HOOK3: variants seen among roughly 807,000 people sequenced by gnomAD.
HOOK3 encodes the protein hook microtubule tethering protein 3, also known as protein Hook homolog 3.
In HOOK3, 24 loss-of-function variants were observed where a neutral mutation model predicts 116.3. The observed-to-expected ratio is 0.21, with a 90% CI of 0.15 to 0.29. HOOK3 has a LOEUF of 0.29. Ranked by LOEUF, HOOK3 falls within the 10% of genes least tolerant of loss-of-function variation. The pLI is 1.00. For missense variants in HOOK3, 632 were observed against 830.2 expected, an observed-to-expected ratio of 0.76 and a Z score of 2.93; for synonymous variants, 275 against 283.0, an observed-to-expected ratio of 0.97 and a Z score of 0.28.
intron 19 of HOOK3, among the ~76,000 whole-genome samples, chr8:43,011,319 T>C (rs925334544): frequency 7.9e-5 from 12 of 152,262 alleles, no homozygotes; most frequent in African/African-American, 2.6e-4. Flanking sequence ...TTACAGATGA[T>C]AATGCTTTGT....
At chr8:42,966,407 A>G in intron 9 of HOOK3, 66 bp from the exon 10 acceptor site, 1 of 1,501,400 alleles carries the variant, frequency 6.7e-7, no homozygotes, top group Non-Finnish European at 9.1e-7. Context: ...TCTTTCTTTT[A>G]CTGTTCTAAG....
chr8:42,900,818 T>C (rs1419791713), intron 1 of HOOK3, among the ~76,000 whole-genome samples: 1 of 152,248 alleles, frequency 6.6e-6, no homozygotes, highest in East Asian at 1.9e-4. Context: ...CACCAGAGAT[T>C]CTCATGCTTT....
intron 1 of HOOK3, among the ~76,000 whole-genome samples, chr8:42,904,857 C>T (rs780314634): frequency 3.9e-5 from 6 of 152,196 alleles, no homozygotes; most frequent in Admixed American, 2.0e-4. Context: ...TCTCACTTCT[C>T]ATCTTTATGC....
intron 17 of HOOK3, among the ~76,000 whole-genome samples, chr8:43,007,388 C>T (rs1809513775): frequency 1.3e-5 from 2 of 152,144 alleles, no homozygotes; most frequent in Admixed American, 6.5e-5. Flanking sequence ...CATCAGTGTA[C>T]GTAACAGAAT....
At chr8:42,957,039 T>C (rs1808449709) in intron 6 of HOOK3, 55 bp from the exon 7 acceptor site, 2 of 952,880 alleles carry the variant, frequency 2.1e-6, no homozygotes, top group East Asian at 5.0e-5. Flanking sequence ...TTAAGTATTT[T>C]ATGTAGAATG....
chr8:42,917,081 G>C (rs970398063), intron 2 of HOOK3, among the ~76,000 whole-genome samples: 1 of 152,206 alleles, frequency 6.6e-6, no homozygotes, highest in African/African-American at 2.4e-5. Flanking sequence ...GCTCCCTTAA[G>C]TTGGATAATT....
chr8:42,973,217 C>T, intron 11 of HOOK3, 72 bp from the exon 12 acceptor site: 1 of 1,501,452 alleles, frequency 6.7e-7, no homozygotes, highest in Non-Finnish European at 8.9e-7. Context: ...TTTTCTTAAA[C>T]CTGTAGAAGA....
chr8:42,901,113 A>G (rs73635337), intron 1 of HOOK3, among the ~76,000 whole-genome samples: 15 of 152,328 alleles, frequency 9.8e-5, no homozygotes, highest in Non-Finnish European at 1.9e-4. Flanking sequence ...CCCAACTCAC[A>G]GCCAAAAATG....
In HOOK3 at chr8:43,019,039, C is replaced by G. The variant is rs1342296227; in HGVS notation, c.*541C>G. 4.8e-6 allele frequency: 1 copy of G among 208,122 alleles called. No homozygotes were observed. The highest frequency in any genetic ancestry group is 7.4e-5 in the East Asian group (1 of 13,442). 12.9% of individuals were successfully genotyped at this position (208,122 alleles called of 1,614,324 possible). On this transcript the variant is annotated 3_prime_UTR_variant, in exon 22 of 22. Coordinates refer to ENST00000307602, the MANE Select transcript of HOOK3 (RefSeq NM_032410.4). ...AGACTTGAATACATTGGCAGAGGTGCTAATCACATCTTCCCTAAGGCACCT... is the reference window on the plus strand; with the variant it reads ...AGACTTGAATACATTGGCAGAGGTGGTAATCACATCTTCCCTAAGGCACCT...
intron 2 of HOOK3, among the ~76,000 whole-genome samples, chr8:42,916,000 A>G (rs1807525814): frequency 6.6e-6 from 1 of 152,198 alleles, no homozygotes; most frequent in East Asian, 1.9e-4. Context: ...TCATTCACCC[A>G]GCATTCTTTC....
rs544009433 is a variant in HOOK3 at position 42,949,702 on chromosome 8, G to A, written c.401-686G>A. On this transcript the variant is annotated intron_variant, in intron 5 of 21. Transcript: ENST00000307602. ...TGGGAGGCCGAGGCAGGCGGATCACGAGGTCAAGAGATTGAGACCATCCTG... is the reference window on the plus strand; with the variant it reads ...TGGGAGGCCGAGGCAGGCGGATCACAAGGTCAAGAGATTGAGACCATCCTG... Among the ~76,000 whole-genome samples the A allele has an allele frequency of 9.9e-5, 15 of 152,222 alleles. No homozygotes were observed. The East Asian group carries it at 2.7e-3, about 27-fold the overall frequency.
At chr8:42,947,679 T>G (rs534398427) in intron 5 of HOOK3, among the ~76,000 whole-genome samples, 1 of 152,266 alleles carries the variant, frequency 6.6e-6, no homozygotes, top group Non-Finnish European at 1.5e-5. Context: ...AGTGTCTGAG[T>G]GGTTAAATAT....
intron 1 of HOOK3, among the ~76,000 whole-genome samples, chr8:42,899,608 A>T (rs1807141767): frequency 6.6e-6 from 1 of 152,200 alleles, no homozygotes; most frequent in South Asian, 2.1e-4. Context: ...ACAATTCTAA[A>T]ACCAAATGCA....
intron 2 of HOOK3, among the ~76,000 whole-genome samples, chr8:42,907,904 G>A (rs188918341): frequency 1.8e-4 from 27 of 149,408 alleles, no homozygotes; most frequent in African/African-American, 6.4e-4. Flanking sequence ...ACAATGTGAC[G>A]TTACATACAA....
At chr8:42,988,595 G>A (rs1305907723) in intron 15 of HOOK3, among the ~76,000 whole-genome samples, 1 of 151,866 alleles carries the variant, frequency 6.6e-6, no homozygotes, top group African/African-American at 2.4e-5. Context: ...CACTGACGAT[G>A]AATAACTTAG....
chr8:42,906,067 A>AC, intron 1 of HOOK3, 106 bp from the exon 2 acceptor site: 1 of 787,064 alleles, frequency 1.3e-6, no homozygotes, highest in Admixed American at 2.3e-5. Flanking sequence ...AGCCTGGGTG[A>AC]CAGGGCTAGA....
At chr8:42,962,597 G>A (rs182144734) in intron 8 of HOOK3, among the ~76,000 whole-genome samples, 34 of 151,370 alleles carry the variant, frequency 2.2e-4, no homozygotes, top group Admixed American at 1.9e-3. Flanking sequence ...GTGGAGACAG[G>A]GTCTCACTGT....
chr8:42,985,548 A>G (rs926119714), intron 14 of HOOK3, among the ~76,000 whole-genome samples: 3 of 152,132 alleles, frequency 2.0e-5, no homozygotes, highest in Admixed American at 6.5e-5. Context: ...TGCTATAGTT[A>G]TGGAGGGTTT....
chr8:42,921,893 C>T (rs893123047), intron 2 of HOOK3, among the ~76,000 whole-genome samples: 2 of 152,148 alleles, frequency 1.3e-5, no homozygotes, highest in African/African-American at 4.8e-5. Flanking sequence ...AGAGTATTGT[C>T]CAGTACTTGG....
Sources: allele counts gnomAD v4.1 joint callset (sites outside exome capture counted in the v4.1 genomes callset), GRCh38; gene constraint gnomAD v4.1.1; transcripts MANE v1.5; gene names NCBI Gene and HGNC (gene_info 2026-07-23, HGNC 2026-07-21).